Variants in EDNRB observed in about 807,000 individuals in gnomAD.
EDNRB encodes the protein Hirschsprung disease 2.
Under a neutral mutation model 46.4 loss-of-function variants are expected in EDNRB, and 18 were observed. The observed-to-expected ratio is 0.39, with a 90% CI of 0.27 to 0.57. The LOEUF (loss-of-function observed/expected upper bound fraction) is 0.57. Among genes scored for constraint, EDNRB ranks in the 20% least tolerant of loss-of-function variants. The probability of loss-of-function intolerance (pLI) is 0.61; values close to 1 mark genes in which losing one functional copy is unlikely to be tolerated. For synonymous variants in EDNRB, 213 were observed against 204.9 expected (o/e 1.04, Z -0.34); for missense variants, 434 against 537.5 (o/e 0.81, Z 1.90).
At chr13:77,913,053 C>CA (rs2137630951) in intron 1 of EDNRB, among the ~76,000 whole-genome samples, 1 of 152,168 alleles carries the variant, frequency 6.6e-6, no homozygotes, top group East Asian at 1.9e-4. Flanking sequence ...CTTTTAACTA[C>CA]AAAACTAGTT....
intron 6 of EDNRB, 41 bp downstream of exon 6, chr13:77,899,818 C>G: frequency 6.9e-7 from 1 of 1,452,446 alleles, no homozygotes; most frequent in Non-Finnish European, 9.6e-7. Context: ...TATATTTGAG[C>G]CATATTACAA....
chr13:77,913,432 C>T (rs1199247956), intron 1 of EDNRB, among the ~76,000 whole-genome samples: 1 of 152,126 alleles, frequency 6.6e-6, no homozygotes, highest in Non-Finnish European at 1.5e-5. Context: ...CACCACTGGA[C>T]ACCTGATTAC....
intron 1 of EDNRB, among the ~76,000 whole-genome samples, chr13:77,933,977 C>G (rs2137656856): frequency 6.6e-6 from 1 of 152,304 alleles, no homozygotes; most frequent in Middle Eastern, 3.4e-3. Context: ...CCCAGGACAT[C>G]TGATTAGAGA....
chr13:77,927,785 A>G (rs955558667), intron 1 of EDNRB, among the ~76,000 whole-genome samples: 6 of 152,204 alleles, frequency 3.9e-5, no homozygotes, highest in Non-Finnish European at 5.9e-5. Context: ...TTACTCAGGT[A>G]TTGATAAGGT....
intron 1 of EDNRB, among the ~76,000 whole-genome samples, chr13:77,969,470 G>A (rs530138993): frequency 7.5e-4 from 114 of 152,236 alleles, no homozygotes; most frequent in African/African-American, 2.6e-3. Flanking sequence ...TATCTCCCTC[G>A]TGACCCTGCA....
intron 1 of EDNRB, among the ~76,000 whole-genome samples, chr13:77,927,914 A>T (rs985339281): frequency 6.6e-6 from 1 of 152,200 alleles, no homozygotes; most frequent in Non-Finnish European, 1.5e-5. Flanking sequence ...TGTTCTCATG[A>T]TAATGAATAA....
intron 1 of EDNRB, among the ~76,000 whole-genome samples, chr13:77,917,401 T>C (rs1879860309): frequency 6.6e-6 from 1 of 152,194 alleles, no homozygotes; most frequent in Non-Finnish European, 1.5e-5. Flanking sequence ...TACTCACCAG[T>C]CTGGATCTCT....
chr13:77,952,656 A>G (rs1474236998), intron 1 of EDNRB, among the ~76,000 whole-genome samples: 1 of 152,208 alleles, frequency 6.6e-6, no homozygotes, highest in African/African-American at 2.4e-5. Context: ...TGGCTGAAGA[A>G]AAAATTTAAT....
intron 1 of EDNRB, among the ~76,000 whole-genome samples, chr13:77,927,582 G>C (rs1188905975): frequency 6.6e-6 from 1 of 152,170 alleles, no homozygotes; most frequent in Non-Finnish European, 1.5e-5. Flanking sequence ...CAAATTAGTT[G>C]GAAAAGTCAG....
chr13:77,920,222 G>C (rs1172208820), upstream of EDNRB, among the ~76,000 whole-genome samples: 5 of 152,186 alleles, frequency 3.3e-5, no homozygotes, highest in African/African-American at 1.2e-4. Flanking sequence ...TCAGAAAGCT[G>C]CCATGCAAAT....
intron 1 of EDNRB, among the ~76,000 whole-genome samples, chr13:77,935,971 G>A (rs556605500): frequency 5.4e-4 from 83 of 152,308 alleles, no homozygotes; most frequent in Admixed American, 1.2e-3. Flanking sequence ...AGGTAAAATG[G>A]GGGAATTGTA....
chr13:77,916,624 G>A (rs1239908861), intron 1 of EDNRB, among the ~76,000 whole-genome samples: 1 of 152,186 alleles, frequency 6.6e-6, no homozygotes, highest in East Asian at 1.9e-4. Context: ...GATTTTTAGA[G>A]ATTTATGAAG....
At chr13:77,973,146 G>A (rs1326709526) in intron 1 of EDNRB, among the ~76,000 whole-genome samples, 1 of 152,178 alleles carries the variant, frequency 6.6e-6, no homozygotes, top group African/African-American at 2.4e-5. Flanking sequence ...GACCTTGGCA[G>A]TGGACTTTAT....
chr13:77,925,222 C>G (rs1162384275), intron 1 of EDNRB, among the ~76,000 whole-genome samples: 1 of 152,198 alleles, frequency 6.6e-6, no homozygotes, highest in African/African-American at 2.4e-5. Flanking sequence ...TAGCATATGA[C>G]AGGCTAAATT....
intron 1 of EDNRB, among the ~76,000 whole-genome samples, chr13:77,951,052 T>G (rs1315139297): frequency 6.6e-6 from 1 of 152,186 alleles, no homozygotes; most frequent in East Asian, 1.9e-4. Context: ...TTATTCACAT[T>G]ACCCAAATAA....
intron 1 of EDNRB, among the ~76,000 whole-genome samples, chr13:77,909,304 A>T (rs1257852060): frequency 6.6e-6 from 1 of 152,046 alleles, no homozygotes; most frequent in African/African-American, 2.4e-5. Flanking sequence ...TTCTAAAAGG[A>T]TAAATAGCAT....
At position 77,967,860 on chromosome 13, in the gene EDNRB, T is replaced by C. The variant is rs141976491; in HGVS notation, c.-52+7487A>G. Among the ~76,000 whole-genome samples the C allele has an allele frequency of 6.4e-3, 973 of 152,334 alleles. 12 individuals carry two copies. The highest frequency in any genetic ancestry group is 0.021 in the African/African-American group (894 of 41,588). On this transcript the variant is annotated intron_variant, in intron 1 of 7. Transcript: ENST00000646948. ...GAACCACGTCTTCCTTTAAGTGAGCTACTATGCCTTAAGGCATCCTGCATC... is the reference window on the plus strand; with the variant it reads ...GAACCACGTCTTCCTTTAAGTGAGCCACTATGCCTTAAGGCATCCTGCATC...
intron 1 of EDNRB, among the ~76,000 whole-genome samples, chr13:77,967,705 T>C (rs1057510445): frequency 6.6e-6 from 1 of 152,232 alleles, no homozygotes; most frequent in African/African-American, 2.4e-5. Flanking sequence ...TAAATTATCT[T>C]CTAAAAGGCT....
At chr13:77,917,014 G>A (rs182880505) in intron 1 of EDNRB, among the ~76,000 whole-genome samples, 93 of 152,066 alleles carry the variant, frequency 6.1e-4, no homozygotes, top group African/African-American at 2.1e-3. Context: ...GATGTGTCTG[G>A]AGTTCCAAAG....
Sources: gnomAD v4.1 joint callset for allele counts (sites outside exome capture counted in the v4.1 genomes callset) on GRCh38, gnomAD v4.1.1 for gene constraint, MANE v1.5 for transcripts, NCBI Gene and HGNC (gene_info 2026-07-23, HGNC 2026-07-21) for gene names.